Variants in ARL8B observed in about 807,000 individuals in gnomAD.
ARL8B encodes ARF like GTPase 8B.
ARL8B carries 9 observed loss-of-function variants against 30.6 expected under a neutral mutation model. The ratio of observed to expected loss-of-function variants is 0.29; its 90% CI spans 0.18 to 0.51. The LOEUF is 0.51. ARL8B is among the 20% of genes least tolerant of loss of function. The probability of loss-of-function intolerance (pLI) is 0.97; values close to 1 mark genes in which losing one functional copy is unlikely to be tolerated. For synonymous variants in ARL8B, 74 were observed against 76.0 expected, an observed-to-expected ratio of 0.97 and a Z score of 0.14; for missense variants, 130 against 227.2, an observed-to-expected ratio of 0.57 and a Z score of 2.75.
intron 4 of ARL8B, 31 bp from the exon 5 acceptor site, chr3:5,173,986 C>T (rs749746433): frequency 3.3e-6 from 5 of 1,504,004 alleles, no homozygotes; most frequent in East Asian, 2.3e-5. Flanking sequence ...CTTGCATAAA[C>T]GTGTGCTCTT....
chr3:5,127,872 C>CAA (rs748657502), intron 1 of ARL8B, among the ~76,000 whole-genome samples: 735 of 10,588 alleles, frequency 0.069, 244 homozygotes, highest in East Asian at 0.14. Context: ...GACTCCGTCT[C>CAA]AAAAAAAAAA....
At chr3:5,165,530 G>A (rs2054616237) in intron 1 of ARL8B, among the ~76,000 whole-genome samples, 1 of 151,996 alleles carries the variant, frequency 6.6e-6, no homozygotes, top group Non-Finnish European at 1.5e-5. Flanking sequence ...AGACCACTCT[G>A]TTTAGCATGT....
intron 1 of ARL8B, among the ~76,000 whole-genome samples, chr3:5,163,802 A>G (rs1209337216): frequency 1.3e-5 from 2 of 152,134 alleles, no homozygotes; most frequent in African/African-American, 2.4e-5. Flanking sequence ...CCCGGGAGGC[A>G]GAGGTTGCAG....
chr3:5,134,576 G>A (rs974899255), intron 1 of ARL8B, among the ~76,000 whole-genome samples: 1 of 152,134 alleles, frequency 6.6e-6, no homozygotes, highest in African/African-American at 2.4e-5. Context: ...TTTAAGTTGG[G>A]ATTTTTCTTT....
In ARL8B at chr3:5,166,289, C is replaced by CG. The variant is rs1207477866; in HGVS notation, c.124-4212dup. ...TCTTGACCTCGTGATCCACCCACCTCGGCCTCCCAAAGTGCTGGGAGTACA... is the reference window on the plus strand; with the variant it reads ...TCTTGACCTCGTGATCCACCCACCTCGGGCCTCCCAAAGTGCTGGGAGTACA... On this transcript the variant is annotated intron_variant, in intron 1 of 6. Transcript: ENST00000256496. Among the ~76,000 whole-genome samples, 3 of 151,230 alleles carry CG rather than the reference C, an allele frequency of 2.0e-5. No individual in the cohort carries two copies. In the South Asian group the frequency reaches 6.3e-4, roughly 32 times the overall value.
At chr3:5,149,952 G>A (rs2054465184) in intron 1 of ARL8B, among the ~76,000 whole-genome samples, 2 of 152,172 alleles carry the variant, frequency 1.3e-5, no homozygotes, top group Admixed American at 6.5e-5. Flanking sequence ...GCTGTGGATT[G>A]GCATGAATAT....
At position 5,164,933 on chromosome 3, in the gene ARL8B, G is replaced by C. The variant is rs73002994; in HGVS notation, c.124-5570G>C. Among the ~76,000 whole-genome samples the C allele has an allele frequency of 5.9e-3, 892 of 152,182 alleles. 6 individuals carry two copies. Among genetic ancestry groups the C allele is most frequent in the Middle Eastern group, 0.014 (4 of 294 alleles). The stretch of plus-strand genomic sequence containing the variant: ...ACACATAACCCTTCTTTTAAATAGA[G>C]TGTTCCTCGTTTTGGGTTTGTCTGA... On this transcript the variant is annotated intron_variant, in intron 1 of 6. Coordinates refer to ENST00000256496, the MANE Select transcript of ARL8B (RefSeq NM_018184.3).
Position 5,178,829 on chromosome 3 carries a change from A to T in ARL8B, c.*116A>T. On this transcript the variant is annotated 3_prime_UTR_variant, in exon 7 of 7. Coordinates refer to ENST00000256496, the MANE Select transcript of ARL8B (RefSeq NM_018184.3). Reference sequence around the variant, plus strand: ...CTAAACCCCAGAAATTGCCTTTTTCAGAGTTTATTTCTCATGTGCACTGCT... The same window carrying T: ...CTAAACCCCAGAAATTGCCTTTTTCTGAGTTTATTTCTCATGTGCACTGCT... 6.5e-7 allele frequency: 1 copy of T among 1,542,238 alleles called. No individual in the cohort carries two copies. Among genetic ancestry groups the T allele is most frequent in the Non-Finnish European group, 8.7e-7 (1 of 1,145,784 alleles).
intron 1 of ARL8B, among the ~76,000 whole-genome samples, chr3:5,161,935 T>G (rs2054588108): frequency 6.6e-6 from 1 of 152,224 alleles, no homozygotes; most frequent in Admixed American, 6.5e-5. Flanking sequence ...CTTTTTATTG[T>G]TGAATTACTG....
intron 1 of ARL8B, among the ~76,000 whole-genome samples, chr3:5,135,525 C>T (rs1432240209): frequency 6.8e-6 from 1 of 146,326 alleles, no homozygotes; most frequent in African/African-American, 2.5e-5. Context: ...GTGGTGCCAT[C>T]TCGGCTTACT....
chr3:5,167,871 T>C (rs2054637545), intron 1 of ARL8B, among the ~76,000 whole-genome samples: 1 of 152,232 alleles, frequency 6.6e-6, no homozygotes. Context: ...AGGTATCTAG[T>C]GCCCAGTTGC....
At chr3:5,173,634 C>G (rs924374194) in intron 4 of ARL8B, among the ~76,000 whole-genome samples, 1 of 152,082 alleles carries the variant, frequency 6.6e-6, no homozygotes, top group Non-Finnish European at 1.5e-5. Flanking sequence ...AGGAGAATGG[C>G]GTGAACCCGG....
rs369460700 is a variant in ARL8B, at chr3:5,160,426, C to CT, written c.124-10074dup. Among the ~76,000 whole-genome samples, 155 of 152,248 alleles carry CT rather than the reference C, an allele frequency of 1.0e-3. 1 individual carries two copies. Among genetic ancestry groups the CT allele is most frequent in the African/African-American group, 3.7e-3 (152 of 41,544 alleles). ...AGGTAGAGTGATCATATGAAATAATCTTTAGAGACCTTTTAAAATGACTAT... is the reference window on the plus strand; with the variant it reads ...AGGTAGAGTGATCATATGAAATAATCTTTTAGAGACCTTTTAAAATGACTAT... On this transcript the variant is annotated intron_variant, in intron 1 of 6. Coordinates refer to ENST00000256496, the MANE Select transcript of ARL8B (RefSeq NM_018184.3).
chr3:5,152,706 G>A (rs1286666147), intron 1 of ARL8B, among the ~76,000 whole-genome samples: 1 of 152,146 alleles, frequency 6.6e-6, no homozygotes, highest in Non-Finnish European at 1.5e-5. Context: ...GGCTGGTCTC[G>A]AACTGCTAGC....
At chr3:5,122,943 G>A (rs1228509357) in intron 1 of ARL8B, among the ~76,000 whole-genome samples, 1 of 152,222 alleles carries the variant, frequency 6.6e-6, no homozygotes. Context: ...CAGCCAAAGA[G>A]TTAAGTCCAG....
chr3:5,145,699 G>T (rs756980819), intron 1 of ARL8B, among the ~76,000 whole-genome samples: 1 of 152,140 alleles, frequency 6.6e-6, no homozygotes. Flanking sequence ...CAAGGAATCA[G>T]GTTCCTCCTC....
intron 1 of ARL8B, among the ~76,000 whole-genome samples, chr3:5,154,076 A>G (rs1455012128): frequency 6.6e-6 from 1 of 152,050 alleles, no homozygotes; most frequent in African/African-American, 2.4e-5. Flanking sequence ...TGGTTATAGC[A>G]GTTTAATTGT....
chr3:5,170,501 A>G lies in ARL8B; in HGVS notation c.124-2A>G. ...TAACTTCAAATGTTTTATTTTGTTC[A>G]GTCAGGTCAATTCAGTGAAGATATG... On this transcript the variant is annotated splice_acceptor_variant, in intron 1 of 6. Coordinates refer to ENST00000256496, the MANE Select transcript of ARL8B (RefSeq NM_018184.3). LOFTEE classifies it high-confidence loss of function. 1 of 1,606,492 alleles carries G rather than the reference A, an allele frequency of 6.2e-7. No homozygotes were observed.
At chr3:5,177,494 G>A (rs1437494657) in intron 6 of ARL8B, among the ~76,000 whole-genome samples, 1 of 140,256 alleles carries the variant, frequency 7.1e-6, no homozygotes, top group Non-Finnish European at 1.5e-5. Context: ...TTTCACTCTT[G>A]TGGCCCAGCT....
Sources: gnomAD v4.1 joint callset for allele counts (sites outside exome capture counted in the v4.1 genomes callset) on GRCh38, gnomAD v4.1.1 for gene constraint, MANE v1.5 for transcripts, NCBI Gene and HGNC (gene_info 2026-07-23, HGNC 2026-07-21) for gene names.